The following GALK2 variants were observed in gnomAD, a reference collection of about 807,000 sequenced individuals.
The protein encoded by GALK2 is galactokinase 2.
Under a neutral mutation model 52.4 loss-of-function variants are expected in GALK2, and 36 were observed. The observed-to-expected ratio is 0.69, with a 90% CI of 0.53 to 0.91. The LOEUF is 0.91. GALK2 is among the 40% of genes least tolerant of loss of function. The pLI is 0.00. For missense variants in GALK2, 579 were observed against 559.1 expected (o/e 1.04, Z -0.36); for synonymous variants, 176 against 199.1 (o/e 0.88, Z 0.98).
chr15:49,228,688 T>TATATATATATATGTATATATA, intron 3 of GALK2, among the ~76,000 whole-genome samples: 1 of 10,452 alleles, frequency 9.6e-5, no homozygotes, highest in Non-Finnish European at 1.8e-4. Context: ...TATATATATA[T>TATATATATATATGTATATATA]TTTTTTTTTT....
intron 3 of GALK2, chr15:49,354,053 T>A (rs926204901): frequency 2.6e-5 from 4 of 152,124 alleles, no homozygotes; most frequent in East Asian, 1.9e-4. Flanking sequence ...TCAGAGTTCT[T>A]TTTTTCACTG....
chr15:49,231,890 T>C (rs1315414356), intron 3 of GALK2, among the ~76,000 whole-genome samples: 3 of 152,228 alleles, frequency 2.0e-5, no homozygotes, highest in Non-Finnish European at 2.9e-5. Flanking sequence ...CCCCTGAGGC[T>C]GCTTTCATGG....
At chr15:49,238,500 C>T (rs2090940846) in intron 4 of GALK2, among the ~76,000 whole-genome samples, 1 of 152,162 alleles carries the variant, frequency 6.6e-6, no homozygotes, top group African/African-American at 2.4e-5. Context: ...CTGTAGTAAG[C>T]ATCTGGATTT....
exon 1 of GALK2, chr15:49,155,853 G>C: frequency 2.1e-6 from 2 of 936,206 alleles, no homozygotes; most frequent in Non-Finnish European, 3.3e-6. Context: ...AAGGGCGTCG[G>C]AAACTGCGCT....
intron 1 of GALK2, among the ~76,000 whole-genome samples, chr15:49,183,176 C>T (rs939765418): frequency 2.0e-5 from 3 of 152,054 alleles, no homozygotes; most frequent in African/African-American, 7.2e-5. Flanking sequence ...TTTCTGCTCT[C>T]ATCTTTATTA....
chr15:49,201,390 A>G, intron 2 of GALK2, 140 bp downstream of exon 2: 2 of 536,928 alleles, frequency 3.7e-6, no homozygotes, highest in Non-Finnish European at 3.3e-6. Context: ...GTGCCTTTGC[A>G]TAAGGAACAC....
chr15:49,294,140 CAAATAAATAAATAAAT>C (rs10677248), intron 8 of GALK2, among the ~76,000 whole-genome samples: 109 of 139,892 alleles, frequency 7.8e-4, no homozygotes, highest in African/African-American at 2.2e-3. Flanking sequence ...GACCCTGTCT[CAAATAAATAAATAAAT>C]AAATAAATAA....
intron 1 of GALK2, among the ~76,000 whole-genome samples, chr15:49,180,906 A>G (rs1162603247): frequency 6.6e-6 from 1 of 152,102 alleles, no homozygotes; most frequent in Admixed American, 6.5e-5. Context: ...CATAGCAGGG[A>G]CTAAATGATG....
At chr15:49,307,376 A>G (rs1407557729) in intron 8 of GALK2, among the ~76,000 whole-genome samples, 2 of 152,232 alleles carry the variant, frequency 1.3e-5, no homozygotes, top group Non-Finnish European at 2.9e-5. Context: ...ATTTCGATGC[A>G]ATGAAATATT....
chr15:49,358,511 C>G (rs2043586142), intron 3 of GALK2, among the ~76,000 whole-genome samples: 1 of 147,240 alleles, frequency 6.8e-6, no homozygotes, highest in South Asian at 2.2e-4. Context: ...AATAAAATAC[C>G]TAGGAATCCA....
chr15:49,170,060 C>A, upstream of GALK2: 1 of 636,718 alleles, frequency 1.6e-6, no homozygotes, highest in Non-Finnish European at 2.5e-6. Context: ...CTGCGAGGCC[C>A]TAGTCCCTCC....
intron 7 of GALK2, among the ~76,000 whole-genome samples, chr15:49,291,221 G>A (rs1239160723): frequency 6.6e-6 from 1 of 151,640 alleles, no homozygotes; most frequent in Non-Finnish European, 1.5e-5. Context: ...TAATTGAACC[G>A]AAAATCATAG....
intron 2 of GALK2, among the ~76,000 whole-genome samples, chr15:49,204,296 A>C (rs1319472705): frequency 7.2e-6 from 1 of 138,154 alleles, no homozygotes; most frequent in East Asian, 2.1e-4. Context: ...TTCTTCTTTT[A>C]TTTTTTTTTT....
intron 9 of GALK2, among the ~76,000 whole-genome samples, chr15:49,323,901 A>T (rs1323385924): frequency 6.6e-6 from 1 of 152,254 alleles, no homozygotes; most frequent in Non-Finnish European, 1.5e-5. Context: ...AAATTATATG[A>T]AACAAAGTAA....
chr15:49,192,099 A>C (rs1378528022), intron 1 of GALK2, among the ~76,000 whole-genome samples: 1 of 152,078 alleles, frequency 6.6e-6, no homozygotes, highest in African/African-American at 2.4e-5. Flanking sequence ...ATCATTGAGC[A>C]CTTCCTTACT....
chr15:49,327,776 A>T lies in GALK2; in HGVS notation c.1170-176A>T, dbSNP rs1445011689. Reference sequence around the variant, plus strand: ...ATTTAGATACAATGAAAAAATTCCAAATCACTCTCTGAAACAGTATAAATG... The same window carrying T: ...ATTTAGATACAATGAAAAAATTCCATATCACTCTCTGAAACAGTATAAATG... On this transcript the variant is annotated intron_variant, in intron 9 of 9. Coordinates refer to ENST00000560031, the MANE Select transcript of GALK2 (RefSeq NM_002044.4). The T allele has an allele frequency of 2.8e-5, 15 of 535,018 alleles. No homozygotes were observed. In the East Asian group the frequency reaches 4.7e-4, roughly 17 times the overall value. The allele number at this position is 535,018 out of a possible 1,614,324, so 33.1% of individuals were successfully genotyped here.
intron 1 of GALK2, among the ~76,000 whole-genome samples, chr15:49,172,988 A>G (rs1432468751): frequency 6.6e-6 from 1 of 152,214 alleles, no homozygotes; most frequent in African/African-American, 2.4e-5. Flanking sequence ...AACCATCACC[A>G]TAATCAAATT....
chr15:49,216,582 G>A (rs939239366), intron 2 of GALK2, among the ~76,000 whole-genome samples: 6 of 152,316 alleles, frequency 3.9e-5, no homozygotes, highest in Admixed American at 2.6e-4. Flanking sequence ...GGGCTTGCCC[G>A]AGGACTGCAG....
intron 5 of GALK2, among the ~76,000 whole-genome samples, chr15:49,276,864 C>T (rs1408359574): frequency 7.1e-6 from 1 of 141,420 alleles, no homozygotes; most frequent in African/African-American, 2.6e-5. Context: ...TTTTGTTTAC[C>T]ATCAGAAGAA....
Sources: allele counts gnomAD v4.1 joint callset (sites outside exome capture counted in the v4.1 genomes callset), GRCh38; gene constraint gnomAD v4.1.1; transcripts MANE v1.5; gene names NCBI Gene and HGNC (gene_info 2026-07-23, HGNC 2026-07-21).